Variants in CCDC73 observed in about 807,000 individuals in gnomAD.
CCDC73 encodes the protein coiled-coil domain containing 73.
In CCDC73, 95 loss-of-function variants were observed where a neutral mutation model predicts 116.5. The observed-to-expected ratio is 0.82, with a 90% confidence interval of 0.69 to 0.97. The LOEUF (loss-of-function observed/expected upper bound fraction) is 0.97, where lower values mean the gene tolerates loss of function less well. CCDC73 is among the 50% of genes least tolerant of loss of function. The probability of loss-of-function intolerance (pLI) is 0.00; values close to 1 mark genes in which losing one functional copy is unlikely to be tolerated. For missense variants in CCDC73, 1,066 were observed against 1,206.8 expected (o/e 0.88, Z 1.73); for synonymous variants, 398 against 401.3 (o/e 0.99, Z 0.10).
intron 1 of CCDC73, among the ~76,000 whole-genome samples, chr11:32,768,862 A>G (rs1162339665): frequency 6.6e-6 from 1 of 152,190 alleles, no homozygotes; most frequent in Non-Finnish European, 1.5e-5. Context: ...TAAAAGAAAG[A>G]AAAGAGACAA....
At chr11:32,744,788 TC>T (rs1344457445) in intron 2 of CCDC73, among the ~76,000 whole-genome samples, 1 of 152,184 alleles carries the variant, frequency 6.6e-6, no homozygotes, top group African/African-American at 2.4e-5. Flanking sequence ...ACTATTTGAT[TC>T]TTCTCTCTTT....
At chr11:32,830,004 G>A in the CCDC73 span, 2 of 985,812 alleles carry the variant, frequency 2.0e-6, no homozygotes, top group Admixed American at 6.1e-5. Flanking sequence ...GCGAACCCCA[G>A]GCCCTTCCCA....
chr11:32,696,425 G>C (rs1203422689), intron 6 of CCDC73, among the ~76,000 whole-genome samples: 1 of 151,748 alleles, frequency 6.6e-6, no homozygotes, highest in Non-Finnish European at 1.5e-5. Context: ...TTATGGTCAA[G>C]ACCTAAATAT....
chr11:32,662,342 T>A (rs373437170), intron 9 of CCDC73, among the ~76,000 whole-genome samples: 7,301 of 152,182 alleles, frequency 0.048, 196 homozygotes, highest in African/African-American at 0.064. Context: ...ACTCTCCAGC[T>A]CCTGTTGTTT....
chr11:32,812,372 TAGTC>T, the CCDC73 span, among the ~76,000 whole-genome samples: 3 of 151,998 alleles, frequency 2.0e-5, no homozygotes, highest in African/African-American at 2.4e-5. Flanking sequence ...ATACAAAAAT[TAGTC>T]AGGCATAGGC....
intron 7 of CCDC73, 87 bp downstream of exon 7, chr11:32,683,449 T>C: frequency 2.3e-6 from 2 of 862,854 alleles, no homozygotes; most frequent in Non-Finnish European, 3.9e-6. Context: ...ATTTTTTCAC[T>C]ATAAATGTCA....
chr11:32,825,108 C>G, the CCDC73 span, among the ~76,000 whole-genome samples: 2 of 152,070 alleles, frequency 1.3e-5, no homozygotes, highest in Admixed American at 6.6e-5. Context: ...CAAAACAAAA[C>G]TCTCAGTTTA....
intron 2 of CCDC73, among the ~76,000 whole-genome samples, chr11:32,752,876 C>T (rs1850298604): frequency 6.6e-6 from 1 of 152,282 alleles, no homozygotes; most frequent in East Asian, 1.9e-4. Flanking sequence ...AATCACAGCT[C>T]ACTGTAACCC....
chr11:32,829,870 C>A, the CCDC73 span: 3 of 985,514 alleles, frequency 3.0e-6, no homozygotes, highest in East Asian at 1.1e-4. Flanking sequence ...CAGGTAGGCC[C>A]GGCCCCCGGG....
chr11:32,807,600 T>TG, the CCDC73 span, among the ~76,000 whole-genome samples: 2 of 151,718 alleles, frequency 1.3e-5, no homozygotes, highest in Non-Finnish European at 2.9e-5. Context: ...TTGGCAACTT[T>TG]TTTTTTTTAG....
At chr11:32,720,211 T>C (rs187987852) in intron 2 of CCDC73, among the ~76,000 whole-genome samples, 4 of 152,302 alleles carry the variant, frequency 2.6e-5, no homozygotes, top group African/African-American at 9.6e-5. Context: ...TTATTGCAGG[T>C]ATGCAAAGCT....
At chr11:32,643,708 C>T (rs564214583) in intron 12 of CCDC73, among the ~76,000 whole-genome samples, 1 of 152,044 alleles carries the variant, frequency 6.6e-6, no homozygotes, top group Non-Finnish European at 1.5e-5. Flanking sequence ...TTACCATGAA[C>T]GTTGCTCTGG....
At chr11:32,731,969 C>T (rs1353818221) in intron 2 of CCDC73, among the ~76,000 whole-genome samples, 32 of 152,076 alleles carry the variant, frequency 2.1e-4, no homozygotes, top group African/African-American at 4.8e-5. Context: ...CAAACTTCTC[C>T]GAGCTAAAGG....
chr11:32,625,766 A>G (rs1207254035), intron 14 of CCDC73, among the ~76,000 whole-genome samples: 1 of 152,144 alleles, frequency 6.6e-6, no homozygotes, highest in African/African-American at 2.4e-5. Context: ...AAGGCCTTTG[A>G]CAAAATTCAA....
intron 14 of CCDC73, among the ~76,000 whole-genome samples, chr11:32,617,545 C>G (rs926273742): frequency 1.3e-5 from 2 of 152,110 alleles, no homozygotes; most frequent in African/African-American, 4.8e-5. Context: ...CAGAGTGATA[C>G]ATCAGGAGAG....
At chr11:32,806,560 G>A in the CCDC73 span, among the ~76,000 whole-genome samples, 2 of 151,032 alleles carry the variant, frequency 1.3e-5, no homozygotes, top group African/African-American at 4.9e-5. Flanking sequence ...GGAGGCGGAG[G>A]TTGCAATGAG....
intron 14 of CCDC73, among the ~76,000 whole-genome samples, chr11:32,634,541 CAT>C (rs1192875442): frequency 6.6e-6 from 1 of 152,002 alleles, no homozygotes; most frequent in Non-Finnish European, 1.5e-5. Flanking sequence ...TAAACAAAAA[CAT>C]ATAGCTAAAA....
chr11:32,703,793 G>A (rs1286620733), intron 3 of CCDC73, among the ~76,000 whole-genome samples: 2 of 151,946 alleles, frequency 1.3e-5, no homozygotes, highest in African/African-American at 4.8e-5. Context: ...CCACCTTTTT[G>A]GTGGAAGTTG....
At chr11:32,737,548 G>A (rs1312623478) in intron 2 of CCDC73, among the ~76,000 whole-genome samples, 3 of 151,280 alleles carry the variant, frequency 2.0e-5, no homozygotes, top group Non-Finnish European at 4.4e-5. Flanking sequence ...AATCTGGGAG[G>A]CAGAGGTTGC....
Sources: gnomAD v4.1 joint callset for allele counts (sites outside exome capture counted in the v4.1 genomes callset) on GRCh38, gnomAD v4.1.1 for gene constraint, MANE v1.5 for transcripts, NCBI Gene and HGNC (gene_info 2026-07-23, HGNC 2026-07-21) for gene names.